Variants in FBXL13 observed in about 807,000 individuals in gnomAD.
FBXL13 encodes F-box and leucine-rich repeat protein 13.
In FBXL13, 67 loss-of-function variants were observed where a neutral mutation model predicts 83.6. That is an observed-to-expected ratio of 0.80 (90% CI 0.66 to 0.98). The LOEUF is 0.98. Among genes scored for constraint, FBXL13 ranks in the 50% least tolerant of loss-of-function variants. The probability of loss-of-function intolerance (pLI) is 0.00; values close to 1 mark genes in which losing one functional copy is unlikely to be tolerated. For missense variants in FBXL13, 822 were observed against 866.5 expected, an observed-to-expected ratio of 0.95 and a Z score of 0.64; for synonymous variants, 272 against 299.5, an observed-to-expected ratio of 0.91 and a Z score of 0.95.
intron 10 of FBXL13, among the ~76,000 whole-genome samples, chr7:102,923,447 A>G (rs2129471264): frequency 6.6e-6 from 1 of 152,358 alleles, no homozygotes; most frequent in Admixed American, 6.5e-5. Context: ...TACAATGGAC[A>G]TAAATAACTA....
intron 11 of FBXL13, among the ~76,000 whole-genome samples, chr7:102,885,936 T>C (rs943118306): frequency 1.3e-5 from 2 of 152,176 alleles, no homozygotes; most frequent in Non-Finnish European, 2.9e-5. Flanking sequence ...GCCATAAATG[T>C]ATAGATTTAT....
At chr7:102,962,252 C>T (rs905325469) in intron 8 of FBXL13, among the ~76,000 whole-genome samples, 2 of 151,876 alleles carry the variant, frequency 1.3e-5, no homozygotes, top group Non-Finnish European at 2.9e-5. Context: ...TCATCACTGG[C>T]CATCAGAGAA....
chr7:102,918,537 C>T (rs1461866579), intron 10 of FBXL13, among the ~76,000 whole-genome samples: 3 of 152,164 alleles, frequency 2.0e-5, no homozygotes, highest in Admixed American at 6.6e-5. Context: ...CACCCTGGGT[C>T]ACACAGAGTG....
chr7:103,016,250 A>G (rs1563221960), intron 6 of FBXL13, among the ~76,000 whole-genome samples: 1 of 150,286 alleles, frequency 6.7e-6, no homozygotes, highest in Non-Finnish European at 1.5e-5. Context: ...CACATTACCC[A>G]ACTTCAAACT....
At chr7:102,963,512 A>T (rs760739648) in intron 8 of FBXL13, 21 bp downstream of exon 9, 21 of 1,602,110 alleles carry the variant, frequency 1.3e-5, no homozygotes, top group African/African-American at 2.7e-5. Context: ...CAAGACAAAT[A>T]GTTGTAATGA....
chr7:102,918,048 A>C (rs980768833), intron 10 of FBXL13, among the ~76,000 whole-genome samples: 3 of 152,214 alleles, frequency 2.0e-5, no homozygotes, highest in African/African-American at 7.2e-5. Context: ...TTCTCTTGGC[A>C]AGTACTTTTT....
At chr7:102,855,666 G>A (rs1476808227) in intron 16 of FBXL13, among the ~76,000 whole-genome samples, 2 of 116,848 alleles carry the variant, frequency 1.7e-5, no homozygotes, top group African/African-American at 3.3e-5. Context: ...CCCCTCACCT[G>A]CCGCCATTCT....
At chr7:102,880,644 T>C (rs1298727257) in intron 14 of FBXL13, among the ~76,000 whole-genome samples, 1 of 152,236 alleles carries the variant, frequency 6.6e-6, no homozygotes, top group Non-Finnish European at 1.5e-5. Flanking sequence ...AGGTCAAATG[T>C]ATCTTGCTGT....
At chr7:103,023,230 C>T (rs111983649) in intron 6 of FBXL13, among the ~76,000 whole-genome samples, 9 of 152,014 alleles carry the variant, frequency 5.9e-5, no homozygotes, top group African/African-American at 1.4e-4. Context: ...GAGCTGAGAT[C>T]GCGCCACTGC....
At chr7:102,976,907 A>G (rs1265837925) in intron 6 of FBXL13, among the ~76,000 whole-genome samples, 1 of 152,056 alleles carries the variant, frequency 6.6e-6, no homozygotes, top group East Asian at 1.9e-4. Context: ...TAACCCATAT[A>G]CTTTACTTTC....
chr7:103,073,043 G>A (rs983298806), intron 1 of FBXL13, among the ~76,000 whole-genome samples: 7 of 152,278 alleles, frequency 4.6e-5, no homozygotes, highest in Middle Eastern at 3.4e-3. Context: ...AAGCACAATT[G>A]TATAGAGGTA....
intron 2 of FBXL13, among the ~76,000 whole-genome samples, chr7:103,045,163 T>C (rs1377894328): frequency 6.6e-6 from 1 of 152,240 alleles, no homozygotes; most frequent in Non-Finnish European, 1.5e-5. Flanking sequence ...ACAGCTGGAC[T>C]GGTTACAGAT....
intron 11 of FBXL13, among the ~76,000 whole-genome samples, chr7:102,895,774 T>C (rs770659179): frequency 1.3e-5 from 2 of 152,218 alleles, no homozygotes; most frequent in Non-Finnish European, 2.9e-5. Context: ...CACTTTCTCA[T>C]GTACAAGTAG....
intron 18 of FBXL13, among the ~76,000 whole-genome samples, chr7:102,831,138 G>A (rs75264223): frequency 0.029 from 4,440 of 152,264 alleles, 189 homozygotes; most frequent in East Asian, 0.16. Context: ...ACCTGGAGAA[G>A]AAGATCTGGC....
intron 11 of FBXL13, among the ~76,000 whole-genome samples, chr7:102,906,615 A>G (rs540138951): frequency 1.1e-4 from 16 of 152,366 alleles, no homozygotes; most frequent in Non-Finnish European, 1.9e-4. Context: ...TTTACCAGAC[A>G]TACTATTCTA....
chr7:102,944,608 G>T (rs2129476086), intron 8 of FBXL13: 2 of 1,582,900 alleles, frequency 1.3e-6, no homozygotes, highest in East Asian at 4.5e-5. Flanking sequence ...AGTAGGATAA[G>T]GTAGAAATTG....
At position 102,873,295 on chromosome 7, in the gene FBXL13, G is replaced by C. The variant is rs1808768509; in HGVS notation, c.1635+4172C>G. ...CGTTTTCCCAACCTGCAGCAAACCTGCTCCCTGACTGTGTAAGGGACACAG... is the reference window on the plus strand; with the variant it reads ...CGTTTTCCCAACCTGCAGCAAACCTCCTCCCTGACTGTGTAAGGGACACAG... On this transcript the variant is annotated intron_variant, in intron 16 of 19. Transcript: ENST00000313221. 2.0e-5 allele frequency among the ~76,000 whole-genome samples: 3 copies of C among 152,248 alleles called. No homozygotes were observed. The South Asian group carries it at 6.2e-4, about 32-fold the overall frequency.
intron 1 of FBXL13, among the ~76,000 whole-genome samples, chr7:103,074,012 T>C (rs1051388184): frequency 6.6e-6 from 1 of 152,210 alleles, no homozygotes; most frequent in African/African-American, 2.4e-5. Flanking sequence ...CTCAGCTTCC[T>C]ACCCCCAAAC....
Position 102,922,189 on chromosome 7 carries a change from CAA to C in FBXL13, c.878+4083_878+4084del, listed in dbSNP as rs764424966. Among the ~76,000 whole-genome samples the C allele has an allele frequency of 6.6e-3, 545 of 82,532 alleles. 3 individuals carry two copies. Among genetic ancestry groups the C allele is most frequent in the African/African-American group, 0.024 (534 of 22,088 alleles). The allele number at this position is 82,532 out of a possible 152,430, so 54.1% of individuals were successfully genotyped here. ...TGGGCGACAGAGGAAGACTCTGTCT[CAA>C]AAAAAAAAAAAAATTAAATAAATAA... On this transcript the variant is annotated intron_variant, in intron 10 of 19. Coordinates refer to ENST00000313221, the Ensembl canonical transcript of FBXL13.
Sources: gnomAD v4.1 joint callset for allele counts (sites outside exome capture counted in the v4.1 genomes callset) on GRCh38, gnomAD v4.1.1 for gene constraint, MANE v1.5 for transcripts, NCBI Gene and HGNC (gene_info 2026-07-23, HGNC 2026-07-21) for gene names.